Variants in NAMPT observed in about 807,000 individuals in gnomAD.
NAMPT encodes the protein NAmPRTase.
Under a neutral mutation model 58.7 loss-of-function variants are expected in NAMPT, and 7 were observed. The ratio of observed to expected loss-of-function variants is 0.12; its 90% CI spans 0.07 to 0.22. The LOEUF (loss-of-function observed/expected upper bound fraction) is 0.22. NAMPT is among the 10% of genes least tolerant of loss of function. The pLI is 1.00. For missense variants in NAMPT, 271 were observed against 567.9 expected (o/e 0.48, Z 5.31); for synonymous variants, 145 against 198.1 (o/e 0.73, Z 2.25).
chr7:106,255,829 CAGAAAAGGGGA>C (rs552153116), intron 8 of NAMPT, among the ~76,000 whole-genome samples: 33 of 151,840 alleles, frequency 2.2e-4, no homozygotes, highest in South Asian at 1.2e-3. Context: ...AAGAGTAGAA[CAGAAAAGGGGA>C]AGAAAAGGGA....
chr7:106,285,438 G>C (rs1792861122), upstream of NAMPT: 1 of 688,278 alleles, frequency 1.5e-6, no homozygotes, highest in Non-Finnish European at 1.8e-6. Flanking sequence ...GTCCTACCCA[G>C]TCCTGGCCGG....
chr7:106,284,930 G>C lies in NAMPT; in HGVS notation c.-46C>G. 1 of 1,561,744 alleles carries C rather than the reference G, an allele frequency of 6.4e-7. No homozygotes were observed. On this transcript the variant is annotated 5_prime_UTR_variant, in exon 1 of 11. Coordinates refer to ENST00000222553, the MANE Select transcript of NAMPT (RefSeq NM_005746.3). ...CCGCGCGCCGCGAGCTCCCTGGCGC[G>C]GCTGCGAGGAAGGAGAAAAATGAGC...
At chr7:106,265,006 G>C (rs1033882015) in intron 6 of NAMPT, among the ~76,000 whole-genome samples, 1 of 151,994 alleles carries the variant, frequency 6.6e-6, no homozygotes, top group South Asian at 2.1e-4. Flanking sequence ...AATTGAGAGA[G>C]AACCTGTTTA....
At chr7:106,278,996 G>A (rs142789764) in intron 1 of NAMPT, among the ~76,000 whole-genome samples, 441 of 152,232 alleles carry the variant, frequency 2.9e-3, no homozygotes, top group African/African-American at 7.7e-3. Flanking sequence ...CTGAGAAGAC[G>A]AAGAGTCAAA....
At chr7:106,260,926 T>G (rs1792290843) in intron 8 of NAMPT, among the ~76,000 whole-genome samples, 2 of 152,090 alleles carry the variant, frequency 1.3e-5, no homozygotes, top group Non-Finnish European at 2.9e-5. Flanking sequence ...TAATCACAGA[T>G]CACCATAACA....
chr7:106,284,356 C>G (rs3823744), intron 1 of NAMPT: 75,559 of 144,682 alleles, frequency 0.52, 21,770 homozygotes, highest in East Asian at 0.89. Flanking sequence ...ACCTGCCCAG[C>G]CAGGGGCGAG....
chr7:106,284,206 G>C (rs1792818607), intron 1 of NAMPT: 1 of 152,244 alleles, frequency 6.6e-6, no homozygotes, highest in Non-Finnish European at 1.5e-5. Context: ...AGTTTGAAAC[G>C]GAGCCCGGCG....
intron 10 of NAMPT, among the ~76,000 whole-genome samples, chr7:106,252,508 C>T (rs1479672525): frequency 1.3e-5 from 2 of 151,918 alleles, no homozygotes; most frequent in African/African-American, 4.8e-5. Flanking sequence ...ATAGTTCTGT[C>T]TAAAGTTTTT....
chr7:106,250,257 G>T lies in NAMPT; in HGVS notation c.*826C>A, dbSNP rs1472242251. On this transcript the variant is annotated 3_prime_UTR_variant, in exon 11 of 11. Transcript: ENST00000222553. Reference sequence around the variant, plus strand: ...TTTATGTATATATTCTATAGTGGAAGCAGAAATTCTCTCTAAAAACATTAT... The same window carrying T: ...TTTATGTATATATTCTATAGTGGAATCAGAAATTCTCTCTAAAAACATTAT... The T allele has an allele frequency of 1.3e-5, 2 of 152,188 alleles. No individual in the cohort carries two copies. Among genetic ancestry groups the T allele is most frequent in the African/African-American group, 2.4e-5 (1 of 41,348 alleles). The allele number at this position is 152,188 out of a possible 1,614,324, so 9.4% of individuals were successfully genotyped here.
At chr7:106,272,067 G>C in intron 4 of NAMPT, 1 of 370,738 alleles carries the variant, frequency 2.7e-6, no homozygotes. Context: ...ATTTAGATGA[G>C]AAACTGAAAA....
upstream of NAMPT, chr7:106,285,170 G>A: frequency 2.4e-6 from 3 of 1,237,738 alleles, no homozygotes; most frequent in Middle Eastern, 3.3e-4. Flanking sequence ...TCCGGGGGCC[G>A]AGAAAGGGCG....
rs1281577424 is a variant in NAMPT at position 106,263,571 on chromosome 7, G to A, written c.790C>T (p.His264Tyr). Reference protein sequence around the residue: ...GKDHEKDAFEHIVTQFSSVPV... With the variant: ...GKDHEKDAFEYIVTQFSSVPV... Reference sequence around the variant, plus strand: ...ACTGATGAAAACTGTGTTACAATATGTTCAAAAGCATCTTTTTCATGGTCT... The same window carrying A: ...ACTGATGAAAACTGTGTTACAATATATTCAAAAGCATCTTTTTCATGGTCT... The change falls in exon 7 of 11, where the codon CAT becomes TAT. Residue 264 changes from histidine (H) to tyrosine (Y), a missense_variant. Physicochemically the swap from His to Tyr is moderately conservative, Grantham distance 83. Around this residue, in one of 4 missense-constraint regions of NAMPT, gnomAD observed 143 missense variants for 331.1 expected, o/e 0.43. Transcript: ENST00000222553. 5.6e-6 allele frequency: 9 copies of A among 1,613,224 alleles called. No homozygotes were observed. The highest frequency in any genetic ancestry group is 7.6e-6 in the Non-Finnish European group (9 of 1,179,444).
chr7:106,262,265 C>T (rs1383740882), intron 7 of NAMPT, among the ~76,000 whole-genome samples: 1 of 152,098 alleles, frequency 6.6e-6, no homozygotes, highest in East Asian at 1.9e-4. Flanking sequence ...TCATCTTACT[C>T]ATTCACTAAC....
At chr7:106,251,944 T>G (rs996541173) in intron 10 of NAMPT, among the ~76,000 whole-genome samples, 3 of 151,878 alleles carry the variant, frequency 2.0e-5, no homozygotes, top group African/African-American at 7.3e-5. Context: ...ATTTTCCACC[T>G]AGTCTGAAGA....
At chr7:106,269,437 G>C (rs1313780115) in intron 4 of NAMPT, 125 bp from the exon 5 acceptor site, 2 of 832,732 alleles carry the variant, frequency 2.4e-6, no homozygotes, top group Non-Finnish European at 3.7e-6. Context: ...ACTAGACACA[G>C]AACTGCGCAG....
At position 106,250,805 on chromosome 7, in the gene NAMPT, C is replaced by G. The variant is rs55811250; in HGVS notation, c.*278G>C. ...TCATCAGTTATATATAAAAGTTTCT[C>G]AGTTCTGTTATTTGTGAAAAGATCA... is the stretch of plus-strand genomic sequence containing the variant. On this transcript the variant is annotated 3_prime_UTR_variant, in exon 11 of 11. Transcript: ENST00000222553. 9.9e-4 allele frequency: 338 copies of G among 340,738 alleles called. 1 individual carries two copies. Among genetic ancestry groups the G allele is most frequent in the African/African-American group, 6.8e-3 (313 of 46,354 alleles). 21.1% of individuals were successfully genotyped at this position (340,738 alleles called of 1,614,324 possible).
rs916102396 is a variant in NAMPT, at chr7:106,284,961, C to T, written c.-77G>A. The stretch of plus-strand genomic sequence containing the variant: ...GAGGAAGGAGAAAAATGAGCTTCAC[C>T]GCGCTCCGTTGCTTAAGTCACTGCT... On this transcript the variant is annotated 5_prime_UTR_variant, in exon 1 of 11. Transcript: ENST00000222553. 2 of 1,537,244 alleles carry T rather than the reference C, an allele frequency of 1.3e-6. No homozygotes were observed. The highest frequency in any genetic ancestry group is 1.8e-6 in the Non-Finnish European group (2 of 1,136,814).
intron 9 of NAMPT, 113 bp downstream of exon 9, chr7:106,254,251 A>G: frequency 8.4e-7 from 1 of 1,187,536 alleles, no homozygotes; most frequent in Non-Finnish European, 1.2e-6. Context: ...GTACCCAACA[A>G]CATATTAACA....
chr7:106,261,755 A>G, intron 7 of NAMPT, 48 bp from the exon 8 acceptor site: 2 of 1,557,288 alleles, frequency 1.3e-6, no homozygotes, highest in Non-Finnish European at 1.8e-6. Context: ...AGCTGAAAAC[A>G]AGTATAAGAG....
Sources: gnomAD v4.1 joint callset for allele counts (sites outside exome capture counted in the v4.1 genomes callset) on GRCh38, gnomAD v4.1.1 for gene constraint, gnomAD v4.1.1 regional missense constraint, MANE v1.5 for transcripts, NCBI Gene and HGNC (gene_info 2026-07-23, HGNC 2026-07-21) for gene names.